The following TTC9 variants were observed in gnomAD, a reference collection of about 807,000 sequenced individuals.
The protein encoded by TTC9 is tetratricopeptide repeat protein 9A.
TTC9 carries 13 observed loss-of-function variants against 22.9 expected under a neutral mutation model. The observed-to-expected ratio is 0.57, with a 90% CI of 0.37 to 0.90. The LOEUF (loss-of-function observed/expected upper bound fraction) is 0.90. TTC9 is among the 40% of genes least tolerant of loss of function. The pLI is 0.01. For synonymous variants in TTC9, 148 were observed against 133.2 expected, an observed-to-expected ratio of 1.11 and a Z score of -0.77; for missense variants, 280 against 291.8, an observed-to-expected ratio of 0.96 and a Z score of 0.29.
chr14:70,661,984 A>G (rs1269403233), intron 1 of TTC9, among the ~76,000 whole-genome samples: 1 of 152,190 alleles, frequency 6.6e-6, no homozygotes. Context: ...GGCTCAAGGA[A>G]GGCTGTTTCT....
chr14:70,672,655 T>C lies in TTC9; in HGVS notation c.*1500T>C, dbSNP rs1886313791. On this transcript the variant is annotated 3_prime_UTR_variant, in exon 3 of 3. Transcript: ENST00000256367. The stretch of plus-strand genomic sequence containing the variant: ...GACAATGTTGTACAAAATTAAAATA[T>C]ATACAGATGCAATAATGTGAATAGT... 1 of 152,262 alleles carries C rather than the reference T, an allele frequency of 6.6e-6. No individual in the cohort carries two copies. The highest frequency in any genetic ancestry group is 2.4e-5 in the African/African-American group (1 of 41,476). 9.4% of individuals were successfully genotyped at this position (152,262 alleles called of 1,614,324 possible).
intron 2 of TTC9, among the ~76,000 whole-genome samples, chr14:70,669,772 A>G (rs372812119): frequency 2.0e-5 from 3 of 152,302 alleles, no homozygotes; most frequent in Admixed American, 6.5e-5. Flanking sequence ...GACTCATTCA[A>G]TAGAATTTTC....
Position 70,672,818 on chromosome 14 carries a change from A to G in TTC9, c.*1663A>G, listed in dbSNP as rs780898097. ...GAAAAATTAATTATCCCAAGGTTGCATGGCCTTTAGTGGCATAGCTAGGAT... is the reference window on the plus strand; with the variant it reads ...GAAAAATTAATTATCCCAAGGTTGCGTGGCCTTTAGTGGCATAGCTAGGAT... On this transcript the variant is annotated 3_prime_UTR_variant, in exon 3 of 3. Transcript: ENST00000256367. 2.0e-5 allele frequency: 3 copies of G among 152,248 alleles called. No homozygotes were observed. Among genetic ancestry groups the G allele is most frequent in the Non-Finnish European group, 2.9e-5 (2 of 68,040 alleles). The allele number at this position is 152,248 out of a possible 1,614,324, so 9.4% of individuals were successfully genotyped here.
At chr14:70,671,021 A>C in intron 2 of TTC9, 55 bp from the exon 3 acceptor site, 1 of 1,541,188 alleles carries the variant, frequency 6.5e-7, no homozygotes, top group East Asian at 2.3e-5. Flanking sequence ...ATTCCTTGTA[A>C]ATGTGATAGT....
At chr14:70,663,943 C>T (rs1886178593) in intron 1 of TTC9, among the ~76,000 whole-genome samples, 1 of 152,150 alleles carries the variant, frequency 6.6e-6, no homozygotes, top group Non-Finnish European at 1.5e-5. Context: ...GGGCTGATAT[C>T]CTAATTCTAC....
At chr14:70,669,365 C>T (rs975857932) in intron 2 of TTC9, among the ~76,000 whole-genome samples, 25 of 151,958 alleles carry the variant, frequency 1.6e-4, no homozygotes, top group Admixed American at 1.6e-3. Flanking sequence ...CTACGACTTC[C>T]GCCTCTTGGG....
intron 1 of TTC9, among the ~76,000 whole-genome samples, chr14:70,655,255 G>A (rs957132382): frequency 1.3e-4 from 20 of 152,044 alleles, no homozygotes; most frequent in Non-Finnish European, 7.4e-5. Context: ...TTAGCCAGGC[G>A]CAGTGGCGTG....
chr14:70,661,141 A>C (rs1857680410), intron 1 of TTC9, among the ~76,000 whole-genome samples: 1 of 151,982 alleles, frequency 6.6e-6, no homozygotes, highest in Non-Finnish European at 1.5e-5. Flanking sequence ...AGCCCCAGGC[A>C]CTCACTGGCT....
intron 1 of TTC9, among the ~76,000 whole-genome samples, chr14:70,659,878 A>T (rs189574476): frequency 1.1e-3 from 168 of 152,286 alleles, no homozygotes; most frequent in Admixed American, 3.7e-3. Context: ...ACTTACTAGC[A>T]TTGTGACTTT....
chr14:70,664,018 A>G (rs1594740560), intron 1 of TTC9, among the ~76,000 whole-genome samples: 1 of 152,148 alleles, frequency 6.6e-6, no homozygotes, highest in Non-Finnish European at 1.5e-5. Flanking sequence ...TTCATCATCT[A>G]TAAAAGAAGG....
intron 2 of TTC9, among the ~76,000 whole-genome samples, chr14:70,668,659 T>C (rs61980476): frequency 0.32 from 48,142 of 151,144 alleles, 8,318 homozygotes; most frequent in African/African-American, 0.46. Context: ...AAGACCAGTC[T>C]GAGCAACATG....
At chr14:70,662,315 T>A (rs968439878) in intron 1 of TTC9, among the ~76,000 whole-genome samples, 3 of 151,562 alleles carry the variant, frequency 2.0e-5, no homozygotes, top group African/African-American at 4.9e-5. Flanking sequence ...CTGCTCATGA[T>A]GACTAATGGT....
chr14:70,656,278 G>A (rs1341642470), intron 1 of TTC9, among the ~76,000 whole-genome samples: 1 of 150,784 alleles, frequency 6.6e-6, no homozygotes, highest in Non-Finnish European at 1.5e-5. Flanking sequence ...GGTTTATACT[G>A]TACAAACTTT....
intron 1 of TTC9, among the ~76,000 whole-genome samples, chr14:70,648,012 T>A (rs1360013786): frequency 6.6e-6 from 1 of 152,148 alleles, no homozygotes; most frequent in Non-Finnish European, 1.5e-5. Context: ...ATGGATGAGT[T>A]ACAAATTTAA....
At position 70,665,734 on chromosome 14, in the gene TTC9, T is replaced by C. The variant is rs1886206751; in HGVS notation, c.407-1830T>C. Reference sequence around the variant, plus strand: ...AATGGAGTTTTTTGGTCCTAAATGCTCAAAAAAAATCTGGTCTCTTAAAAA... The same window carrying C: ...AATGGAGTTTTTTGGTCCTAAATGCCCAAAAAAAATCTGGTCTCTTAAAAA... On this transcript the variant is annotated intron_variant, in intron 1 of 2. Coordinates refer to ENST00000256367, the MANE Select transcript of TTC9 (RefSeq NM_015351.2). Among the ~76,000 whole-genome samples, 3 of 152,212 alleles carry C rather than the reference T, an allele frequency of 2.0e-5. No homozygotes were observed. In the South Asian group the frequency reaches 6.2e-4, roughly 32 times the overall value.
Position 70,641,959 on chromosome 14 carries a change from A to G in TTC9, c.-171A>G. 1 of 253,972 alleles carries G rather than the reference A, an allele frequency of 3.9e-6. No individual in the cohort carries two copies. Among genetic ancestry groups the G allele is most frequent in the South Asian group, 1.3e-4 (1 of 7,640 alleles). The allele number at this position is 253,972 out of a possible 1,614,324, so 15.7% of individuals were successfully genotyped here. A position where few individuals can be genotyped will look rare whatever the true frequency, so the allele number is the denominator to read the frequency against. ...GGCGGCTGGAGCAGCCTCTGGCAGC[A>G]GCGGGGAGAATGGGAGTGCGGGGCG... On this transcript the variant is annotated 5_prime_UTR_variant, in exon 1 of 3. Transcript: ENST00000256367.
chr14:70,667,049 C>T (rs867126173), intron 1 of TTC9, among the ~76,000 whole-genome samples: 2 of 152,326 alleles, frequency 1.3e-5, no homozygotes, highest in South Asian at 4.1e-4. Flanking sequence ...GAGGAAGAAT[C>T]TGTTCCATGC....
At chr14:70,661,345 G>A (rs1886142529) in intron 1 of TTC9, among the ~76,000 whole-genome samples, 1 of 152,214 alleles carries the variant, frequency 6.6e-6, no homozygotes, top group African/African-American at 2.4e-5. Flanking sequence ...GGTACTGAGG[G>A]TGAGGACTGT....
At chr14:70,660,261 A>T (rs1886127102) in intron 1 of TTC9, among the ~76,000 whole-genome samples, 2 of 152,226 alleles carry the variant, frequency 1.3e-5, no homozygotes, top group Non-Finnish European at 2.9e-5. Context: ...ATTTGCACAC[A>T]TGTGCAGATT....
Sources: allele counts gnomAD v4.1 joint callset (sites outside exome capture counted in the v4.1 genomes callset), GRCh38; gene constraint gnomAD v4.1.1; transcripts MANE v1.5; gene names NCBI Gene and HGNC (gene_info 2026-07-23, HGNC 2026-07-21).